ZNF600: variants seen among roughly 807,000 people sequenced by gnomAD.
ZNF600 encodes zinc finger protein KR-ZNF1.
ZNF600 carries 4 observed loss-of-function variants against 7.3 expected under a neutral mutation model. The ratio of observed to expected loss-of-function variants is 0.55; its 90% CI spans 0.27 to 1.25. The LOEUF is 1.25. ZNF600 is among the 50% of genes most tolerant of loss of function. ZNF600 has a pLI of 0.12. For missense variants in ZNF600, 911 were observed against 922.1 expected (o/e 0.99, Z 0.16); for synonymous variants, 290 against 308.9 (o/e 0.94, Z 0.64).
chr19:52,788,967 G>A (rs2062785039), upstream of ZNF600, among the ~76,000 whole-genome samples: 1 of 152,202 alleles, frequency 6.6e-6, no homozygotes, highest in Non-Finnish European at 1.5e-5. Context: ...CCACCTTCTG[G>A]CTCTGCTCTC....
intron 3 of ZNF600, among the ~76,000 whole-genome samples, chr19:52,769,145 A>C (rs944253156): frequency 6.6e-6 from 1 of 152,044 alleles, no homozygotes; most frequent in Non-Finnish European, 1.5e-5. Flanking sequence ...AACACCCGCC[A>C]CTTAGCAGAC....
At chr19:52,800,713 T>C in the ZNF600 span, 2 of 1,613,960 alleles carry the variant, frequency 1.2e-6, no homozygotes, top group Non-Finnish European at 1.7e-6. Context: ...TTCTCTCCAG[T>C]ATGAAGCCTA....
intron 1 of ZNF600, among the ~76,000 whole-genome samples, chr19:52,783,950 A>T (rs907674198): frequency 9.9e-5 from 15 of 152,262 alleles, no homozygotes; most frequent in Admixed American, 2.6e-4. Context: ...GGCGCATGCC[A>T]GTAATCCCAG....
chr19:52,766,263 T>C (rs1476945099), exon 4 of ZNF600: 1 of 1,614,174 alleles, frequency 6.2e-7, no homozygotes, highest in African/African-American at 1.3e-5. Flanking sequence ...ATTACACTTG[T>C]AAGGTTTCTC....
the ZNF600 span, among the ~76,000 whole-genome samples, chr19:52,793,662 G>C: frequency 5.3e-5 from 8 of 151,538 alleles, no homozygotes; most frequent in African/African-American, 1.5e-4. Flanking sequence ...AGCTACTCGG[G>C]GGGCAGAGGT....
At chr19:52,802,244 C>G in the ZNF600 span, among the ~76,000 whole-genome samples, 1 of 152,194 alleles carries the variant, frequency 6.6e-6, no homozygotes, top group Non-Finnish European at 1.5e-5. Context: ...TGGCCCGTGC[C>G]TGTACTCACA....
chr19:52,815,824 C>A, the ZNF600 span, among the ~76,000 whole-genome samples: 1 of 144,270 alleles, frequency 6.9e-6, no homozygotes, highest in Non-Finnish European at 1.5e-5. Context: ...GGCTCCATCT[C>A]AAAAAAAATA....
chr19:52,813,915 G>A, the ZNF600 span, among the ~76,000 whole-genome samples: 1 of 146,252 alleles, frequency 6.8e-6, no homozygotes, highest in Non-Finnish European at 1.5e-5. Context: ...GAACAGGGAG[G>A]TGGGAGATGG....
the ZNF600 span, chr19:52,800,552 T>C: frequency 6.2e-6 from 10 of 1,613,462 alleles, no homozygotes; most frequent in Non-Finnish European, 7.6e-6. Context: ...CAGTGTGAAT[T>C]ATACTATGTT....
At chr19:52,800,444 G>T in the ZNF600 span, 1 of 1,612,916 alleles carries the variant, frequency 6.2e-7, no homozygotes, top group South Asian at 1.1e-5. Flanking sequence ...CTTCACATTT[G>T]TATGGTTTCT....
intron 3 of ZNF600, 76 bp from the exon 6 acceptor site, chr19:52,767,848 CA>C (rs990814470): frequency 4.1e-6 from 6 of 1,460,608 alleles, no homozygotes; most frequent in Non-Finnish European, 5.4e-6. Context: ...AAATATGACA[CA>C]AAAAACAATA....
exon 4 of ZNF600, chr19:52,767,381 T>C (rs776185006): frequency 2.5e-6 from 4 of 1,614,124 alleles, no homozygotes; most frequent in South Asian, 1.1e-5. Context: ...GAGAAATTCT[T>C]TGGGATGTTG....
upstream of ZNF600, among the ~76,000 whole-genome samples, chr19:52,788,127 G>A (rs758473538): frequency 3.3e-5 from 5 of 152,160 alleles, no homozygotes; most frequent in Non-Finnish European, 7.4e-5. Context: ...CCAGGACCAT[G>A]CCCAGTGCAG....
chr19:52,790,332 A>C (rs1437825646), upstream of ZNF600, among the ~76,000 whole-genome samples: 1 of 152,100 alleles, frequency 6.6e-6, no homozygotes, highest in East Asian at 1.9e-4. Context: ...CCCTATCTCT[A>C]CTAAAAATAC....
At chr19:52,829,183 T>TTTTA in the ZNF600 span, among the ~76,000 whole-genome samples, 10 of 91,732 alleles carry the variant, frequency 1.1e-4, no homozygotes, top group Non-Finnish European at 1.9e-4. Context: ...TTTTTTTCTT[T>TTTTA]TTTTATTTTA....
At chr19:52,781,975 C>T (rs1016731207) in intron 1 of ZNF600, among the ~76,000 whole-genome samples, 5 of 141,018 alleles carry the variant, frequency 3.5e-5, no homozygotes, top group African/African-American at 1.2e-4. Flanking sequence ...GCAGGAGAAT[C>T]GCTTGACCCC....
exon 4 of ZNF600, chr19:52,765,376 C>T: frequency 1.2e-6 from 1 of 818,920 alleles, no homozygotes; most frequent in Non-Finnish European, 2.1e-6. Flanking sequence ...CTATGTTTTG[C>T]ATAGGATGAA....
the ZNF600 span, among the ~76,000 whole-genome samples, chr19:52,831,742 G>A: frequency 6.6e-6 from 1 of 152,126 alleles, no homozygotes; most frequent in Non-Finnish European, 1.5e-5. Context: ...CCGACCTCAT[G>A]ATCTGCCCAC....
chr19:52,811,765 G>C, the ZNF600 span, among the ~76,000 whole-genome samples: 1 of 148,992 alleles, frequency 6.7e-6, no homozygotes, highest in Admixed American at 6.6e-5. Context: ...GGAGGTCGGG[G>C]GGGTCAGCCC....
Sources: allele counts gnomAD v4.1 joint callset (sites outside exome capture counted in the v4.1 genomes callset), GRCh38; gene constraint gnomAD v4.1.1; transcripts MANE v1.5; gene names NCBI Gene and HGNC (gene_info 2026-07-23, HGNC 2026-07-21).